The following ITIH3 variants were observed in gnomAD, a reference collection of about 807,000 sequenced individuals.
ITIH3 encodes inter-alpha-trypsin inhibitor heavy chain 3, also known as inter-alpha-trypsin inhibitor heavy chain H3.
Under a neutral mutation model 96.5 loss-of-function variants are expected in ITIH3, and 81 were observed. The ratio of observed to expected loss-of-function variants is 0.84; its 90% CI spans 0.70 to 1.01. The LOEUF (loss-of-function observed/expected upper bound fraction) is 1.01. Ranked by LOEUF, ITIH3 falls within the 50% of genes least tolerant of loss-of-function variation. ITIH3 has a pLI of 0.00. For missense variants in ITIH3, 1,057 were observed against 1,139.3 expected, an observed-to-expected ratio of 0.93 and a Z score of 1.04; for synonymous variants, 422 against 445.2, an observed-to-expected ratio of 0.95 and a Z score of 0.66.
intron 19 of ITIH3, 64 bp from the exon 20 acceptor site, chr3:52,807,683 T>C: frequency 6.5e-7 from 1 of 1,528,662 alleles, no homozygotes; most frequent in Non-Finnish European, 8.9e-7. Context: ...AAAACGCCCT[T>C]GAGTCAGATG....
intron 10 of ITIH3, 72 bp from the exon 11 acceptor site, chr3:52,800,893 C>T: frequency 6.3e-7 from 1 of 1,579,684 alleles, no homozygotes. Flanking sequence ...GGAGTCCGGT[C>T]TCCCCAGACA....
chr3:52,804,333 C>A, intron 14 of ITIH3: 1 of 438,370 alleles, frequency 2.3e-6, no homozygotes, highest in Non-Finnish European at 4.1e-6. Context: ...GCACTTCCAA[C>A]ATGAAAGGCC....
chr3:52,802,384 G>GT lies in ITIH3; in HGVS notation c.1435dup (p.Tyr479LeufsTer22), dbSNP rs1397944218. ...CACTGCTGACGGGTGTGGAGATGGA[G>GT]TACCCCGAGAACGCTATCCTGGACC... On this transcript the variant is annotated frameshift_variant, in exon 12 of 22. Coordinates refer to ENST00000449956, the MANE Select transcript of ITIH3 (RefSeq NM_002217.4). LOFTEE classifies it high-confidence loss of function. The GT allele has an allele frequency of 1.2e-6, 2 of 1,613,886 alleles. No individual in the cohort carries two copies. Among genetic ancestry groups the GT allele is most frequent in the African/African-American group, 2.7e-5 (2 of 74,932 alleles).
At chr3:52,800,445 G>A in intron 9 of ITIH3, 93 bp from the exon 10 acceptor site, 2 of 1,480,694 alleles carry the variant, frequency 1.4e-6, no homozygotes, top group Admixed American at 2.1e-5. Flanking sequence ...GCACATGAGT[G>A]GGGCCGGCTG....
chr3:52,799,092 G>T lies in ITIH3; in HGVS notation c.789+1G>T. The T allele has an allele frequency of 1.9e-6, 3 of 1,613,264 alleles. No individual in the cohort carries two copies. Among genetic ancestry groups the T allele is most frequent in the Non-Finnish European group, 2.5e-6 (3 of 1,179,668 alleles). On this transcript the variant is annotated splice_donor_variant, in intron 7 of 21. Coordinates refer to ENST00000449956, the MANE Select transcript of ITIH3 (RefSeq NM_002217.4). LOFTEE classifies it high-confidence loss of function. ...CAGAGAATCTCCTGGCAACGTGCAG[G>T]TACCCGGGCTGGCTGATTCATCATC... is the stretch of plus-strand genomic sequence containing the variant.
At chr3:52,794,963 A>T in intron 1 of ITIH3, 67 bp downstream of exon 1, 1 of 1,304,160 alleles carries the variant, frequency 7.7e-7, no homozygotes. Context: ...CATGCTGGGC[A>T]AGGCCTCTGA....
At chr3:52,795,580 T>G in intron 1 of ITIH3, 23 bp from the exon 2 acceptor site, 1 of 1,607,960 alleles carries the variant, frequency 6.2e-7, no homozygotes. Context: ...TTCCTGTGTT[T>G]GTGTTTGTTT....
At chr3:52,807,694 C>G in intron 19 of ITIH3, 53 bp from the exon 20 acceptor site, 2 of 1,554,968 alleles carry the variant, frequency 1.3e-6, no homozygotes, top group Non-Finnish European at 1.7e-6. Flanking sequence ...GAGTCAGATG[C>G]CCAGTGTCAC....
intron 11 of ITIH3, chr3:52,802,094 T>TC: frequency 4.6e-6 from 1 of 216,324 alleles, no homozygotes. Context: ...TTCATATTTC[T>TC]TTTTTTTTTT....
intron 13 of ITIH3, 63 bp downstream of exon 13, chr3:52,802,869 C>T: frequency 6.3e-7 from 1 of 1,580,672 alleles, no homozygotes; most frequent in East Asian, 2.3e-5. Context: ...CAAGGGCACC[C>T]CCATACGCAG....
At chr3:52,795,728 G>GTTTGCCAGCTGTGA in intron 2 of ITIH3, 105 bp downstream of exon 2, 1 of 1,135,658 alleles carries the variant, frequency 8.8e-7, no homozygotes, top group Non-Finnish European at 1.3e-6. Flanking sequence ...CCTCACAGCT[G>GTTTGCCAGCTGTGA]GCAAACAGCT....
rs1305955519 is a variant in ITIH3, at chr3:52,803,833, C to A, written c.1710-22C>A. On this transcript the variant is annotated intron_variant, in intron 13 of 21. Transcript: ENST00000449956. ...AGGGTGCTGCTCTCCAGGCTGTCCT[C>A]CTGACTGGCCCCTCCTCACAGCAAG... 2.5e-6 allele frequency: 4 copies of A among 1,613,260 alleles called. No individual in the cohort carries two copies. The South Asian group carries it at 4.4e-5, about 18-fold the overall frequency.
At chr3:52,795,291 A>G (rs1031149797) in intron 1 of ITIH3, among the ~76,000 whole-genome samples, 3 of 152,126 alleles carry the variant, frequency 2.0e-5, no homozygotes, top group African/African-American at 7.2e-5. Context: ...GGCCAGGGAA[A>G]GGCAGAATGG....
chr3:52,803,885 C>T lies in ITIH3; in HGVS notation c.1740C>T (p.Asn580=), dbSNP rs1000008868. The T allele has an allele frequency of 4.3e-6, 7 of 1,614,016 alleles. No homozygotes were observed. The highest frequency in any genetic ancestry group is 4.2e-6 in the Non-Finnish European group (5 of 1,179,898). The change falls in exon 14 of 22, where the codon AAC becomes AAT. Residue 580 remains asparagine (N), a synonymous_variant. Coordinates refer to ENST00000449956, the MANE Select transcript of ITIH3 (RefSeq NM_002217.4). The part of the protein sequence containing the change: ...RKNAHGEEKE[N]LTARALDLSL... ...ACGCCCATGGCGAGGAGAAGGAGAA[C>T]CTCACGGCCCGGGCCCTGGACCTGT... is the stretch of plus-strand genomic sequence containing the variant.
At chr3:52,803,586 T>C (rs1215082606) in intron 13 of ITIH3, among the ~76,000 whole-genome samples, 1 of 152,210 alleles carries the variant, frequency 6.6e-6, no homozygotes, top group Admixed American at 6.5e-5. Context: ...CCCAAAGTGC[T>C]GGGATTACAG....
rs1216547304 is a variant in ITIH3 at position 52,796,732 on chromosome 3, C to T, written c.282-7C>T. 1.9e-6 allele frequency: 3 copies of T among 1,609,216 alleles called. No homozygotes were observed. The highest frequency in any genetic ancestry group is 1.7e-5 in the Admixed American group (1 of 59,460). On this transcript the variant is annotated splice_polypyrimidine_tract_variant and splice_region_variant and intron_variant, in intron 3 of 21. Coordinates refer to ENST00000449956, the MANE Select transcript of ITIH3 (RefSeq NM_002217.4). ...ATCTCCCTACCCCCAACTCTCTTTC[C>T]CTGCAGGACCATCGACGGTGTTACC...
At position 52,802,890 on chromosome 3, in the gene ITIH3, C is replaced by A; in HGVS notation, c.1709+84C>A. ...CACCCCCATACGCAGTCCCAGCGGT[C>A]CTGCCCTCTTCTTGGGCCAGCCCAG... On this transcript the variant is annotated intron_variant, in intron 13 of 21. Coordinates refer to ENST00000449956, the MANE Select transcript of ITIH3 (RefSeq NM_002217.4). 1.3e-6 allele frequency: 2 copies of A among 1,492,734 alleles called. 1 individual carries two copies. The highest frequency in any genetic ancestry group is 2.4e-5 in the South Asian group (2 of 81,708). 92.5% of individuals were successfully genotyped at this position (1,492,734 alleles called of 1,614,324 possible). A position where few individuals can be genotyped will look rare whatever the true frequency, so the allele number is the denominator to read the frequency against.
At chr3:52,797,012 T>G (rs575584501) in intron 4 of ITIH3, 93 bp from the exon 5 acceptor site, 1 of 1,441,166 alleles carries the variant, frequency 6.9e-7, no homozygotes, top group South Asian at 1.3e-5. Context: ...GTTAGGGATC[T>G]CCCTCGCCAA....
At chr3:52,806,674 C>T (rs190310198) in intron 18 of ITIH3, among the ~76,000 whole-genome samples, 1 of 152,306 alleles carries the variant, frequency 6.6e-6, no homozygotes, top group African/African-American at 2.4e-5. Flanking sequence ...TTTCTCTGAA[C>T]AACACTCCCT....
Sources: gnomAD v4.1 joint callset for allele counts (sites outside exome capture counted in the v4.1 genomes callset) on GRCh38, gnomAD v4.1.1 for gene constraint, MANE v1.5 for transcripts, NCBI Gene and HGNC (gene_info 2026-07-23, HGNC 2026-07-21) for gene names.